Variants in TRADD observed in about 807,000 individuals in gnomAD.
TRADD encodes TNFRSF1A associated via death domain.
In TRADD, 14 loss-of-function variants were observed where a neutral mutation model predicts 31.5. That is an observed-to-expected ratio of 0.44 (90% CI 0.29 to 0.69). The LOEUF (loss-of-function observed/expected upper bound fraction) is 0.69. TRADD is among the 30% of genes least tolerant of loss of function. The pLI is 0.11. For synonymous variants in TRADD, 220 were observed against 215.8 expected (o/e 1.02, Z -0.17); for missense variants, 388 against 435.7 (o/e 0.89, Z 0.97).
Position 67,155,198 on chromosome 16 carries a change from C to T in TRADD, c.526G>A (p.Ala176Thr). 1.9e-6 allele frequency: 3 copies of T among 1,582,530 alleles called. No individual in the cohort carries two copies. The highest frequency in any genetic ancestry group is 8.6e-7 in the Non-Finnish European group (1 of 1,166,740). The change falls in exon 4 of 5, where the codon GCT (alanine) becomes ACT (threonine). Residue 176 changes from alanine to threonine, a missense_variant. By Grantham distance (58) the Ala-to-Thr change is moderately conservative. Transcript: ENST00000345057. ...ACCGGGGGCTGCAAGGGGGCCGAAG[C>T]GACCTCCCCGTCGCCACCCCGGGCC... ...SGARGGDGEVASAPLQPPVPS... is the reference protein window; with the variant it reads ...SGARGGDGEVTSAPLQPPVPS...
At chr16:67,158,722 A>G (rs1188244694) in intron 1 of TRADD, among the ~76,000 whole-genome samples, 2 of 152,258 alleles carry the variant, frequency 1.3e-5, no homozygotes, top group Non-Finnish European at 2.9e-5. Context: ...AAGAAAAAAC[A>G]GGAAACTCTG....
chr16:67,157,779 A>G (rs937067956), intron 1 of TRADD, among the ~76,000 whole-genome samples: 3 of 152,108 alleles, frequency 2.0e-5, no homozygotes, highest in African/African-American at 7.2e-5. Flanking sequence ...ACAAAAACCT[A>G]GCTCTGGACC....
Position 67,156,079 on chromosome 16 carries a change from G to A in TRADD, c.152-425C>T, listed in dbSNP as rs1357725673. On this transcript the variant is annotated intron_variant, in intron 2 of 4. Transcript: ENST00000345057. This position sits in a 1 kb window ranked among gnomAD's most constrained non-coding sequence, Gnocchi z 4.6. ...CTGCTCGGGAAGAAGAGGGGCTCTC[G>A]CCGCTCTGAGGCCACGAACAGATCC... 7.4e-7 allele frequency: 1 copy of A among 1,348,730 alleles called. No individual in the cohort carries two copies. Among genetic ancestry groups the A allele is most frequent in the Non-Finnish European group, 9.7e-7 (1 of 1,028,954 alleles). 83.5% of individuals were successfully genotyped at this position (1,348,730 alleles called of 1,614,324 possible).
intron 1 of TRADD, among the ~76,000 whole-genome samples, chr16:67,158,677 G>T (rs2030788103): frequency 6.6e-6 from 1 of 152,126 alleles, no homozygotes; most frequent in Non-Finnish European, 1.5e-5. Flanking sequence ...TGTATTAAAA[G>T]AGCAAAATAA....
chr16:67,154,804 A>G lies in TRADD; in HGVS notation c.784T>C (p.Tyr262His). The change falls in exon 5 of 5, where the codon TAC becomes CAC. Residue 262 changes from tyrosine (Y) to histidine (H), a missense_variant. Transcript: ENST00000345057. This position sits in a 1 kb window ranked among gnomAD's most constrained non-coding sequence, Gnocchi z 5.2. Reference protein sequence around the residue: ...LAYEYEREGLYEQAFQLLRRF... With the variant: ...LAYEYEREGLHEQAFQLLRRF... ...CGCAGCAGCTGGAAGGCCTGCTCGT[A>G]CAGTCCCTCGCGCTCGTACTCGTAG... 3 of 1,596,292 alleles carry G rather than the reference A, an allele frequency of 1.9e-6. No individual in the cohort carries two copies. Among genetic ancestry groups the G allele is most frequent in the Non-Finnish European group, 2.6e-6 (3 of 1,172,488 alleles).
At chr16:67,158,798 A>G (rs2030793945) in intron 1 of TRADD, among the ~76,000 whole-genome samples, 1 of 152,190 alleles carries the variant, frequency 6.6e-6, no homozygotes, top group African/African-American at 2.4e-5. Context: ...GAGTCCTTCG[A>G]AAGTGGCCTG....
Position 67,154,996 on chromosome 16 carries a change from A to AC in TRADD, c.629-38dup, listed in dbSNP as rs2030614096. ...GTGGGGAAACGGGGTGAGGGCGGGG[A>AC]CCCCCAGCGCCGGTCCCACCCATCC... On this transcript the variant is annotated intron_variant, in intron 4 of 4. Transcript: ENST00000345057. The surrounding 1 kb of genome is among the most constrained non-coding windows in gnomAD (Gnocchi z 5.2). The AC allele has an allele frequency of 1.3e-6, 2 of 1,588,546 alleles. No homozygotes were observed. Among genetic ancestry groups the AC allele is most frequent in the Non-Finnish European group, 1.7e-6 (2 of 1,169,356 alleles).
chr16:67,155,220 G>T lies in TRADD; in HGVS notation c.504C>A (p.Ala168=), dbSNP rs779380539. 1 of 1,598,494 alleles carries T rather than the reference G, an allele frequency of 6.3e-7. No homozygotes were observed. Among genetic ancestry groups the T allele is most frequent in the South Asian group, 1.1e-5 (1 of 89,018 alleles). ...AAGCGACCTCCCCGTCGCCACCCCG[G>T]GCCCCCGAGCCGCACTTCAGATTTC... ...ALRNLKCGSG[A]RGGDGEVASA... Residue 168 remains alanine, a synonymous_variant, in exon 4 of 5, where the codon GCC becomes GCA. Transcript: ENST00000345057.
At chr16:67,158,358 G>A (rs910437913) in intron 1 of TRADD, among the ~76,000 whole-genome samples, 7 of 152,190 alleles carry the variant, frequency 4.6e-5, no homozygotes, top group African/African-American at 1.7e-4. Flanking sequence ...TAGAGATGGA[G>A]TTTCACCATG....
Position 67,156,495 on chromosome 16 carries a change from C to T in TRADD, c.151+15G>A, listed in dbSNP as rs571958997. 7.5e-6 allele frequency: 12 copies of T among 1,610,038 alleles called. No homozygotes were observed. Among genetic ancestry groups the T allele is most frequent in the South Asian group, 3.3e-5 (3 of 91,086 alleles). On this transcript the variant is annotated intron_variant, in intron 2 of 4. Transcript: ENST00000345057. The surrounding 1 kb of genome is among the most constrained non-coding windows in gnomAD (Gnocchi z 4.6). ...GGCCACCCCTTCCTCTCCACATGCC[C>T]GCCCATCCACGCACCTGCCAAGGCA...
chr16:67,155,212 C>G lies in TRADD; in HGVS notation c.512G>C (p.Gly171Ala). Residue 171 changes from glycine to alanine, a missense_variant, in exon 4 of 5, where the codon GGC becomes GCC. Physicochemically the swap from Gly to Ala is moderately conservative, Grantham distance 60. Transcript: ENST00000345057. The part of the protein sequence containing the change: ...NLKCGSGARG[G>A]DGEVASAPLQ... ...GGGGGCCGAAGCGACCTCCCCGTCGCCACCCCGGGCCCCCGAGCCGCACTT... is the reference window on the plus strand; with the variant it reads ...GGGGGCCGAAGCGACCTCCCCGTCGGCACCCCGGGCCCCCGAGCCGCACTT... 2 of 1,594,072 alleles carry G rather than the reference C, an allele frequency of 1.3e-6. No homozygotes were observed. The highest frequency in any genetic ancestry group is 2.3e-5 in the East Asian group (1 of 43,522).
At position 67,155,137 on chromosome 16, in the gene TRADD, G is replaced by T; in HGVS notation, c.587C>A (p.Pro196Gln). ...GAACAGAAAAGTCTGGGCAGGTGGC[G>T]GCGGCGGCGGCGGCTTCACCTCCGA... ...SLSEVKPPPPPPPAQTFLFQG... is the reference protein window; with the variant it reads ...SLSEVKPPPPQPPAQTFLFQG... Residue 196 changes from proline (P) to glutamine (Q), a missense_variant, in exon 4 of 5, where the codon CCG (proline) becomes CAG (glutamine). Pro to Gln is a moderately conservative substitution (Grantham distance 76). Transcript: ENST00000345057. 2 of 1,545,748 alleles carry T rather than the reference G, an allele frequency of 1.3e-6. No individual in the cohort carries two copies. The highest frequency in any genetic ancestry group is 1.7e-6 in the Non-Finnish European group (2 of 1,149,084).
chr16:67,157,394 C>G (rs144765757), intron 1 of TRADD, among the ~76,000 whole-genome samples: 1 of 152,168 alleles, frequency 6.6e-6, no homozygotes, highest in African/African-American at 2.4e-5. Flanking sequence ...TGAGAATCAA[C>G]GCTGCGACTC....
At chr16:67,155,064 C>G (rs1391869520) in intron 4 of TRADD, 32 bp downstream of exon 4, 5 of 1,544,984 alleles carry the variant, frequency 3.2e-6, no homozygotes, top group Non-Finnish European at 4.4e-6. Flanking sequence ...CTCCAACCTC[C>G]TGGTGACCCC....
chr16:67,155,473 C>G lies in TRADD; in HGVS notation c.333G>C (p.Ser111=), dbSNP rs569596640. Residue 111 remains serine, a synonymous_variant, in exon 3 of 5, where the codon TCG becomes TCC. Coordinates refer to ENST00000345057, the MANE Select transcript of TRADD (RefSeq NM_003789.4). The stretch of plus-strand genomic sequence containing the variant: ...CGCGCAGCTCCAGTTGCAGCGGCAC[C>G]GAGTGCTGGGCGAGCGCGGCCGCCA... ...RSLAAALAQH[S]VPLQLELRAG... is the part of the protein sequence containing the mutation. 1.3e-4 allele frequency: 201 copies of G among 1,586,060 alleles called. 1 individual carries two copies. The African/African-American group carries it at 2.3e-3, about 18-fold the overall frequency.
chr16:67,159,531 C>T lies in TRADD; in HGVS notation c.-9+307G>A, dbSNP rs2030825156. The stretch of plus-strand genomic sequence containing the variant: ...CAAGCTGGGGTTTCGCACGTGCGAT[C>T]GGCTGGGGTGGGCAAGGGGGTCTCC... On this transcript the variant is annotated intron_variant, in intron 1 of 4. Coordinates refer to ENST00000345057, the MANE Select transcript of TRADD (RefSeq NM_003789.4). This position sits in a 1 kb window ranked among gnomAD's most constrained non-coding sequence, Gnocchi z 6.8. 6.6e-6 allele frequency among the ~76,000 whole-genome samples: 1 copy of T among 152,206 alleles called. No homozygotes were observed. The highest frequency in any genetic ancestry group is 1.5e-5 in the Non-Finnish European group (1 of 68,028).
chr16:67,157,769 AC>A (rs1567663866), intron 1 of TRADD, among the ~76,000 whole-genome samples: 1 of 152,118 alleles, frequency 6.6e-6, no homozygotes, highest in Non-Finnish European at 1.5e-5. Context: ...CCATCTTCTG[AC>A]AAAAACCTAG....
rs1234903224 is a variant in TRADD at position 67,159,014 on chromosome 16, T to C, written c.-9+824A>G. On this transcript the variant is annotated intron_variant, in intron 1 of 4. Transcript: ENST00000345057. The surrounding 1 kb of genome is among the most constrained non-coding windows in gnomAD (Gnocchi z 6.8). The stretch of plus-strand genomic sequence containing the variant: ...CTGGGAACCTGGAGACTGGGGATGC[T>C]TTCTCACACTCACTAGTACTAGAAG... Among the ~76,000 whole-genome samples the C allele has an allele frequency of 6.6e-6, 1 of 152,160 alleles. No individual in the cohort carries two copies. The highest frequency in any genetic ancestry group is 1.5e-5 in the Non-Finnish European group (1 of 68,030).
Position 67,155,578 on chromosome 16 carries a change from T to C in TRADD, c.228A>G (p.Arg76=), listed in dbSNP as rs763863770. 4.5e-6 allele frequency: 7 copies of C among 1,539,250 alleles called. No homozygotes were observed. The South Asian group carries it at 8.3e-5, about 18-fold the overall frequency. Residue 76 remains arginine (R), a synonymous_variant, in exon 3 of 5, where the codon CGA becomes CGG. Transcript: ENST00000345057. ...RSDPQLIVQL[R]FCGRQPCGRF... is the part of the protein sequence containing the mutation. Reference sequence around the variant, plus strand: ...GGCCACAGGGCTGCCGCCCGCAGAATCGCAGCTGCACGATCAGCTGCGGGT... The same window carrying C: ...GGCCACAGGGCTGCCGCCCGCAGAACCGCAGCTGCACGATCAGCTGCGGGT...
Sources: gnomAD v4.1 joint callset for allele counts (sites outside exome capture counted in the v4.1 genomes callset) on GRCh38, gnomAD v4.1.1 for gene constraint, Gnocchi (gnomAD v3.1) non-coding constraint, MANE v1.5 for transcripts, NCBI Gene and HGNC (gene_info 2026-07-23, HGNC 2026-07-21) for gene names.